PCDH7: variants seen among roughly 807,000 people sequenced by gnomAD.
The protein encoded by PCDH7 is protocadherin 7, also known as protocadherin-7.
Under a neutral mutation model 58.9 loss-of-function variants are expected in PCDH7, and 17 were observed. The observed-to-expected ratio is 0.29, with a 90% confidence interval of 0.20 to 0.43. PCDH7 has a LOEUF of 0.43. Ranked by LOEUF, PCDH7 falls within the 20% of genes least tolerant of loss-of-function variation. The pLI is 1.00. For missense variants in PCDH7, 1,274 were observed against 1,441.0 expected, an observed-to-expected ratio of 0.88 and a Z score of 1.88; for synonymous variants, 664 against 616.4, an observed-to-expected ratio of 1.08 and a Z score of -1.14.
intron 3 of PCDH7, among the ~76,000 whole-genome samples, chr4:31,096,195 T>TA (rs1713956279): frequency 6.6e-6 from 1 of 152,216 alleles, no homozygotes; most frequent in Admixed American, 6.5e-5. Context: ...GTTCTCCTGT[T>TA]ACGAGAAATT....
intron 3 of PCDH7, among the ~76,000 whole-genome samples, chr4:30,957,919 T>G (rs1748018799): frequency 6.6e-6 from 1 of 152,130 alleles, no homozygotes; most frequent in Non-Finnish European, 1.5e-5. Context: ...ATTTTTGGCC[T>G]CAGTATGAGG....
chr4:30,832,145 G>T (rs753617319), intron 1 of PCDH7, among the ~76,000 whole-genome samples: 1 of 152,130 alleles, frequency 6.6e-6, no homozygotes, highest in Non-Finnish European at 1.5e-5. Context: ...AGGGAGACTT[G>T]TGAGCTTTCT....
At chr4:31,016,721 A>C (rs1376135579) in intron 3 of PCDH7, among the ~76,000 whole-genome samples, 1 of 152,206 alleles carries the variant, frequency 6.6e-6, no homozygotes, top group Non-Finnish European at 1.5e-5. Context: ...TTCATTGAAA[A>C]GACTCTTACA....
intron 1 of PCDH7, among the ~76,000 whole-genome samples, chr4:30,897,764 TTG>T (rs1739637744): frequency 6.6e-6 from 1 of 152,242 alleles, no homozygotes; most frequent in Non-Finnish European, 1.5e-5. Flanking sequence ...CAGGTTAATA[TTG>T]TAAACCAATG....
intron 3 of PCDH7, among the ~76,000 whole-genome samples, chr4:30,954,280 C>A (rs2109451170): frequency 6.6e-6 from 1 of 152,236 alleles, no homozygotes; most frequent in African/African-American, 2.4e-5. Context: ...TTTGCTGACC[C>A]TACCCAAGAC....
chr4:31,091,161 G>A (rs1713197910), intron 3 of PCDH7, among the ~76,000 whole-genome samples: 1 of 151,900 alleles, frequency 6.6e-6, no homozygotes, highest in Non-Finnish European at 1.5e-5. Context: ...AGAGCTTGCT[G>A]AGGAGTTATG....
intron 1 of PCDH7, among the ~76,000 whole-genome samples, chr4:30,778,287 C>G (rs1490075839): frequency 6.6e-6 from 1 of 152,090 alleles, no homozygotes; most frequent in South Asian, 2.1e-4. Flanking sequence ...ACTTATAATA[C>G]AAAAGAGCAA....
intron 3 of PCDH7, among the ~76,000 whole-genome samples, chr4:31,141,740 A>G (rs1720281881): frequency 6.6e-6 from 1 of 152,176 alleles, no homozygotes; most frequent in South Asian, 2.1e-4. Flanking sequence ...TTCACCCAGT[A>G]CATTACATTT....
chr4:31,097,035 A>G (rs2109293976), intron 3 of PCDH7, among the ~76,000 whole-genome samples: 1 of 152,154 alleles, frequency 6.6e-6, no homozygotes, highest in East Asian at 1.9e-4. Flanking sequence ...AGACTTTTAT[A>G]TCACTATTAT....
chr4:30,773,241 T>C (rs1002252010), intron 1 of PCDH7, among the ~76,000 whole-genome samples: 8 of 152,164 alleles, frequency 5.3e-5, no homozygotes, highest in African/African-American at 1.9e-4. Context: ...TTGCTAAAAG[T>C]TGAGTGTGTT....
intron 2 of PCDH7, among the ~76,000 whole-genome samples, chr4:30,921,562 T>A (rs1273496085): frequency 6.6e-6 from 1 of 152,142 alleles, no homozygotes; most frequent in East Asian, 1.9e-4. Flanking sequence ...TCCACATTGT[T>A]CTTGGTTAAG....
chr4:30,853,091 G>A (rs1363857294), intron 1 of PCDH7, among the ~76,000 whole-genome samples: 6 of 152,000 alleles, frequency 3.9e-5, no homozygotes, highest in African/African-American at 1.4e-4. Flanking sequence ...GAGGGGGATG[G>A]GTGCTTGCCA....
Position 30,783,964 on chromosome 4 carries a change from G to A in PCDH7, c.70+59368G>A, listed in dbSNP as rs558107149. ...TGTATGTGTGTGTGTGTGTGTATGT[G>A]TGAGAGACTTGTTGCCTGAGTGATA... On this transcript the variant is annotated intron_variant, in intron 1 of 3. Transcript: ENST00000509759. Among the ~76,000 whole-genome samples the A allele has an allele frequency of 1.2e-4, 19 of 152,230 alleles. No homozygotes were observed. In the South Asian group the frequency reaches 3.7e-3, roughly 30 times the overall value.
At chr4:31,015,825 A>G (rs1261805724) in intron 3 of PCDH7, among the ~76,000 whole-genome samples, 1 of 152,200 alleles carries the variant, frequency 6.6e-6, no homozygotes, top group African/African-American at 2.4e-5. Context: ...CTTTAGAAAT[A>G]TTAATTATAG....
chr4:30,771,112 A>G (rs993630154), intron 1 of PCDH7, among the ~76,000 whole-genome samples: 10 of 152,202 alleles, frequency 6.6e-5, no homozygotes, highest in African/African-American at 2.4e-4. Context: ...CTAAACAGGA[A>G]ATAAGTGCTA....
chr4:30,772,859 C>A (rs1319506840), intron 1 of PCDH7, among the ~76,000 whole-genome samples: 1 of 152,118 alleles, frequency 6.6e-6, no homozygotes, highest in Non-Finnish European at 1.5e-5. Flanking sequence ...CCTAACAATT[C>A]CTTTATCAAA....
intron 1 of PCDH7, among the ~76,000 whole-genome samples, chr4:30,835,696 G>C (rs1034957452): frequency 1.3e-5 from 2 of 152,070 alleles, no homozygotes; most frequent in African/African-American, 4.8e-5. Flanking sequence ...GTAACTTTGG[G>C]CCGCTCACAG....
At chr4:31,107,607 A>T (rs143845495) in intron 3 of PCDH7, among the ~76,000 whole-genome samples, 12 of 152,188 alleles carry the variant, frequency 7.9e-5, no homozygotes, top group African/African-American at 2.9e-4. Flanking sequence ...TGAGTTAGTC[A>T]TCTGGGATGA....
At chr4:30,945,084 G>A (rs552053177) in intron 2 of PCDH7, among the ~76,000 whole-genome samples, 52 of 151,984 alleles carry the variant, frequency 3.4e-4, no homozygotes, top group African/African-American at 1.2e-3. Flanking sequence ...CATTCTAATT[G>A]TCATGAAAAT....
Sources: allele counts gnomAD v4.1 joint callset (sites outside exome capture counted in the v4.1 genomes callset), GRCh38; gene constraint gnomAD v4.1.1; transcripts MANE v1.5; gene names NCBI Gene and HGNC (gene_info 2026-07-23, HGNC 2026-07-21).